The following TRAPPC9 variants were observed in gnomAD, a reference collection of about 807,000 sequenced individuals.
The protein encoded by TRAPPC9 is IKK2 binding protein.
TRAPPC9 carries 83 observed loss-of-function variants against 124.0 expected under a neutral mutation model. That is an observed-to-expected ratio of 0.67 (90% confidence interval 0.56 to 0.80). TRAPPC9 has a LOEUF of 0.80. Ranked by LOEUF, TRAPPC9 falls within the 30% of genes least tolerant of loss-of-function variation. The probability of loss-of-function intolerance (pLI) is 0.00; values close to 1 mark genes in which losing one functional copy is unlikely to be tolerated. For missense variants in TRAPPC9, 1,302 were observed against 1,508.3 expected, an observed-to-expected ratio of 0.86 and a Z score of 2.27; for synonymous variants, 638 against 617.5, an observed-to-expected ratio of 1.03 and a Z score of -0.49.
rs1464608349 is a variant in TRAPPC9, at chr8:140,391,678, C to CG, written c.1134+5941_1134+5942insC. Among the ~76,000 whole-genome samples the CG allele has an allele frequency of 2.7e-5, 4 of 145,998 alleles. No individual in the cohort carries two copies. The Admixed American group carries it at 2.8e-4, about 10-fold the overall frequency. The stretch of plus-strand genomic sequence containing the variant: ...GGTGAGCCGAGATCGTGCCATTGCA[C>CG]TCTAGCCTGGGCAACAACAGCGAAA... On this transcript the variant is annotated intron_variant, in intron 7 of 22. Coordinates refer to ENST00000438773, the MANE Select transcript of TRAPPC9 (RefSeq NM_001160372.4).
intron 17 of TRAPPC9, among the ~76,000 whole-genome samples, chr8:140,051,373 A>G (rs1841989030): frequency 6.6e-6 from 1 of 152,144 alleles, no homozygotes; most frequent in Non-Finnish European, 1.5e-5. Context: ...GTCATTTTTC[A>G]CATGGGTGTA....
intron 17 of TRAPPC9, among the ~76,000 whole-genome samples, chr8:140,189,309 A>C (rs2062427313): frequency 6.6e-6 from 1 of 152,190 alleles, no homozygotes; most frequent in African/African-American, 2.4e-5. Flanking sequence ...CCGCCCTAAA[A>C]GATCAGATAC....
chr8:140,373,894 C>T (rs887692474), intron 7 of TRAPPC9, among the ~76,000 whole-genome samples: 3 of 152,154 alleles, frequency 2.0e-5, no homozygotes, highest in Non-Finnish European at 2.9e-5. Context: ...CTGAGTCGTA[C>T]GAGTTCTGTA....
chr8:140,146,569 A>T (rs993570618), intron 17 of TRAPPC9, among the ~76,000 whole-genome samples: 1 of 152,230 alleles, frequency 6.6e-6, no homozygotes, highest in Non-Finnish European at 1.5e-5. Flanking sequence ...TTTTTAAAAA[A>T]AACAGCATGA....
chr8:140,350,624 C>T (rs1717529896), intron 9 of TRAPPC9, among the ~76,000 whole-genome samples: 1 of 152,076 alleles, frequency 6.6e-6, no homozygotes, highest in Non-Finnish European at 1.5e-5. Context: ...AGCCGGGGGT[C>T]ACGGTGGTCT....
At chr8:140,112,216 CA>C (rs1475982435) in intron 17 of TRAPPC9, among the ~76,000 whole-genome samples, 1 of 151,232 alleles carries the variant, frequency 6.6e-6, no homozygotes, top group Non-Finnish European at 1.5e-5. Context: ...GATGGTGGGA[CA>C]GGTGGGAGGA....
intron 2 of TRAPPC9, among the ~76,000 whole-genome samples, chr8:140,450,211 C>T (rs2071406713): frequency 6.6e-6 from 1 of 152,010 alleles, no homozygotes; most frequent in Non-Finnish European, 1.5e-5. Context: ...AGATACAAAA[C>T]TTAGCCAGGC....
chr8:140,442,551 T>C (rs1252657211), intron 2 of TRAPPC9, among the ~76,000 whole-genome samples: 5 of 150,066 alleles, frequency 3.3e-5, no homozygotes, highest in Admixed American at 3.3e-4. Context: ...TGAGCTAAGA[T>C]TGCACCACTG....
chr8:139,866,081 G>T (rs7012144), intron 21 of TRAPPC9, among the ~76,000 whole-genome samples: 88,238 of 151,882 alleles, frequency 0.58, 25,901 homozygotes, highest in East Asian at 0.66. Context: ...GTTGAGTTTG[G>T]CTAAAGACCT....
intron 17 of TRAPPC9, among the ~76,000 whole-genome samples, chr8:140,054,892 C>T (rs915483330): frequency 1.2e-4 from 18 of 152,008 alleles, no homozygotes; most frequent in African/African-American, 3.4e-4. Flanking sequence ...AGTAAGATGA[C>T]GGAATTAGTA....
At chr8:139,875,987 C>T (rs542830307) in intron 21 of TRAPPC9, among the ~76,000 whole-genome samples, 4 of 152,362 alleles carry the variant, frequency 2.6e-5, no homozygotes, top group Non-Finnish European at 4.4e-5. Flanking sequence ...ACCATCGGTG[C>T]GGCTGTCCTA....
At chr8:140,289,864 G>A (rs967513479) in intron 12 of TRAPPC9, among the ~76,000 whole-genome samples, 2 of 152,188 alleles carry the variant, frequency 1.3e-5, no homozygotes. Context: ...CCTCCCGAGC[G>A]CACCTCGAGA....
chr8:140,106,173 C>A (rs1313749198), intron 17 of TRAPPC9, among the ~76,000 whole-genome samples: 1 of 152,134 alleles, frequency 6.6e-6, no homozygotes, highest in Non-Finnish European at 1.5e-5. Flanking sequence ...AAAGCCTCTC[C>A]GCCTGCTTCC....
At chr8:139,947,922 A>C (rs866784156) in intron 19 of TRAPPC9, among the ~76,000 whole-genome samples, 20 of 77,496 alleles carry the variant, frequency 2.6e-4, no homozygotes, top group African/African-American at 1.1e-3. Context: ...AGAGAGAGAG[A>C]GCGAGAGAGA....
At chr8:139,872,282 G>A (rs1448262414) in intron 21 of TRAPPC9, among the ~76,000 whole-genome samples, 3 of 150,836 alleles carry the variant, frequency 2.0e-5, no homozygotes, top group Non-Finnish European at 3.0e-5. Flanking sequence ...ATGGATGGAT[G>A]GATGGGCGGG....
At chr8:140,342,032 C>T (rs1324057633) in intron 9 of TRAPPC9, among the ~76,000 whole-genome samples, 5 of 152,176 alleles carry the variant, frequency 3.3e-5, no homozygotes, top group Admixed American at 2.0e-4. Context: ...AAAGAAAGGG[C>T]GGATCTGGAA....
intron 17 of TRAPPC9, among the ~76,000 whole-genome samples, chr8:140,034,199 T>C (rs1483354494): frequency 6.6e-6 from 1 of 152,274 alleles, no homozygotes; most frequent in Non-Finnish European, 1.5e-5. Context: ...ATTCAATAAA[T>C]GCTTGCTAAG....
chr8:139,753,364 A>G (rs1009646191), intron 21 of TRAPPC9, among the ~76,000 whole-genome samples: 1 of 150,654 alleles, frequency 6.6e-6, no homozygotes, highest in Admixed American at 6.6e-5. Context: ...CCATTCATCC[A>G]TCAACAACTA....
intron 7 of TRAPPC9, among the ~76,000 whole-genome samples, chr8:140,383,721 C>A (rs1437669049): frequency 6.6e-6 from 1 of 152,116 alleles, no homozygotes; most frequent in African/African-American, 2.4e-5. Flanking sequence ...AGAATGGAAC[C>A]AAGTTGGAAA....
Sources: allele counts gnomAD v4.1 joint callset (sites outside exome capture counted in the v4.1 genomes callset), GRCh38; gene constraint gnomAD v4.1.1; transcripts MANE v1.5; gene names NCBI Gene and HGNC (gene_info 2026-07-23, HGNC 2026-07-21).